Variants in KLHL2 observed in about 807,000 individuals in gnomAD.
The protein encoded by KLHL2 is kelch-like protein 2.
A neutral mutation model predicts 75.8 loss-of-function variants in KLHL2; 15 were observed. The observed-to-expected ratio is 0.20, with a 90% CI of 0.13 to 0.30. The LOEUF (loss-of-function observed/expected upper bound fraction) is 0.30. Ranked by LOEUF, KLHL2 falls within the 10% of genes least tolerant of loss-of-function variation. The probability of loss-of-function intolerance (pLI) is 1.00; values close to 1 mark genes in which losing one functional copy is unlikely to be tolerated. For synonymous variants in KLHL2, 214 were observed against 251.9 expected, an observed-to-expected ratio of 0.85 and a Z score of 1.42; for missense variants, 381 against 741.0, an observed-to-expected ratio of 0.51 and a Z score of 5.64.
At chr4:165,225,831 A>G (rs890501545) in intron 2 of KLHL2, among the ~76,000 whole-genome samples, 1 of 152,162 alleles carries the variant, frequency 6.6e-6, no homozygotes, top group African/African-American at 2.4e-5. Context: ...AAAACTAAAC[A>G]TGTCCTTAAT....
At chr4:165,248,149 A>G (rs1483976315) in intron 4 of KLHL2, among the ~76,000 whole-genome samples, 2 of 152,210 alleles carry the variant, frequency 1.3e-5, no homozygotes, top group Non-Finnish European at 2.9e-5. Context: ...AAGAAAGTCT[A>G]GAGCAAGACT....
At chr4:165,266,887 T>G (rs916460826) in intron 5 of KLHL2, among the ~76,000 whole-genome samples, 4 of 152,132 alleles carry the variant, frequency 2.6e-5, no homozygotes, top group African/African-American at 9.7e-5. Flanking sequence ...GGGGATAGCA[T>G]TGAATCTATA....
At chr4:165,214,169 A>G (rs953237427) in intron 1 of KLHL2, among the ~76,000 whole-genome samples, 2 of 152,264 alleles carry the variant, frequency 1.3e-5, no homozygotes, top group African/African-American at 4.8e-5. Flanking sequence ...ATCCCAGTCA[A>G]CTGAATTGCG....
chr4:165,245,047 A>T (rs1402002475), intron 4 of KLHL2, among the ~76,000 whole-genome samples: 1 of 152,056 alleles, frequency 6.6e-6, no homozygotes, highest in African/African-American at 2.4e-5. Context: ...ATCTCCACTA[A>T]AATTACAAAA....
chr4:165,262,575 G>T (rs1222877821), intron 4 of KLHL2, among the ~76,000 whole-genome samples: 1 of 151,984 alleles, frequency 6.6e-6, no homozygotes, highest in Admixed American at 6.6e-5. Flanking sequence ...GGCTTTTGTT[G>T]TTGTTGTTTT....
intron 5 of KLHL2, among the ~76,000 whole-genome samples, chr4:165,270,749 G>A (rs536191511): frequency 6.6e-6 from 1 of 152,118 alleles, no homozygotes; most frequent in Non-Finnish European, 1.5e-5. Flanking sequence ...CCTACTGGGA[G>A]GTGTCTCCCA....
At chr4:165,237,587 A>G (rs1325486605) in intron 3 of KLHL2, among the ~76,000 whole-genome samples, 1 of 152,074 alleles carries the variant, frequency 6.6e-6, no homozygotes, top group Non-Finnish European at 1.5e-5. Flanking sequence ...AATTTTGTGT[A>G]ATTATGATTT....
At chr4:165,212,923 G>A (rs966431536) in intron 1 of KLHL2, among the ~76,000 whole-genome samples, 10 of 152,146 alleles carry the variant, frequency 6.6e-5, no homozygotes, top group African/African-American at 1.9e-4. Context: ...CTCTAGGTCT[G>A]TGCTTTGGTG....
chr4:165,290,542 T>A (rs28669375), intron 5 of KLHL2, among the ~76,000 whole-genome samples: 6,155 of 152,316 alleles, frequency 0.04, 266 homozygotes, highest in East Asian at 0.11. Context: ...TTTTCCCTTT[T>A]TTCTTAGTGT....
At chr4:165,310,371 A>C (rs1014832369) in intron 9 of KLHL2, among the ~76,000 whole-genome samples, 182 bp from the exon 10 acceptor site, 1 of 152,162 alleles carries the variant, frequency 6.6e-6, no homozygotes, top group Non-Finnish European at 1.5e-5. Context: ...CTTAGAAAGA[A>C]AGACAATTTA....
At chr4:165,257,794 G>T (rs574294522) in intron 4 of KLHL2, among the ~76,000 whole-genome samples, 4 of 152,116 alleles carry the variant, frequency 2.6e-5, no homozygotes, top group African/African-American at 9.7e-5. Context: ...GATGTGGCAG[G>T]GGGTAACAGA....
At chr4:165,273,434 A>T (rs114230340) in intron 5 of KLHL2, among the ~76,000 whole-genome samples, 1,712 of 152,286 alleles carry the variant, frequency 0.011, 24 homozygotes, top group African/African-American at 0.037. Flanking sequence ...ATAATACTAT[A>T]AAACAGTTTG....
intron 5 of KLHL2, among the ~76,000 whole-genome samples, chr4:165,281,626 T>C (rs1743697795): frequency 6.6e-6 from 1 of 152,220 alleles, no homozygotes; most frequent in African/African-American, 2.4e-5. Flanking sequence ...TGATGCTCTC[T>C]CTTGACCTGG....
At chr4:165,274,411 C>T (rs1408307010) in intron 5 of KLHL2, among the ~76,000 whole-genome samples, 3 of 152,066 alleles carry the variant, frequency 2.0e-5, no homozygotes, top group Admixed American at 6.5e-5. Context: ...AGATCGAGAC[C>T]ATCCTGGCTA....
At chr4:165,247,004 T>C (rs1190431570) in intron 4 of KLHL2, among the ~76,000 whole-genome samples, 1 of 152,114 alleles carries the variant, frequency 6.6e-6, no homozygotes, top group Non-Finnish European at 1.5e-5. Flanking sequence ...CAGGTGTATG[T>C]GGTGTCACAG....
At chr4:165,274,326 C>T (rs575259362) in intron 5 of KLHL2, among the ~76,000 whole-genome samples, 29 of 152,168 alleles carry the variant, frequency 1.9e-4, no homozygotes, top group African/African-American at 5.5e-4. Context: ...AGAGCACTCT[C>T]GGGCTGGGCG....
chr4:165,305,799 T>A, intron 9 of KLHL2, 74 bp downstream of exon 9: 1 of 1,007,598 alleles, frequency 9.9e-7, no homozygotes, highest in Non-Finnish European at 1.5e-6. Flanking sequence ...CTTATTTTAT[T>A]AATTAGAAAA....
chr4:165,306,595 T>G (rs960639207), intron 9 of KLHL2, among the ~76,000 whole-genome samples: 2 of 152,232 alleles, frequency 1.3e-5, no homozygotes, highest in African/African-American at 4.8e-5. Context: ...CCAGTTTCCC[T>G]AAACTCCTGA....
intron 5 of KLHL2, among the ~76,000 whole-genome samples, chr4:165,286,611 C>T (rs55634629): frequency 0.41 from 61,903 of 151,480 alleles, 13,151 homozygotes; most frequent in Middle Eastern, 0.53. Context: ...TGAGAAGGAC[C>T]AATGCCAAGA....
Sources: allele counts gnomAD v4.1 joint callset (sites outside exome capture counted in the v4.1 genomes callset), GRCh38; gene constraint gnomAD v4.1.1; transcripts MANE v1.5; gene names NCBI Gene and HGNC (gene_info 2026-07-23, HGNC 2026-07-21).